The following COL26A1 variants were observed in gnomAD, a reference collection of about 807,000 sequenced individuals.
COL26A1 encodes collagen type XXVI alpha 1 chain.
COL26A1 carries 41 observed loss-of-function variants against 59.3 expected under a neutral mutation model. The ratio of observed to expected loss-of-function variants is 0.69; its 90% CI spans 0.54 to 0.90. The LOEUF is 0.90. Among genes scored for constraint, COL26A1 ranks in the 40% least tolerant of loss-of-function variants. The pLI is 0.00. For missense variants in COL26A1, 612 were observed against 602.3 expected (o/e 1.02, Z -0.17); for synonymous variants, 266 against 256.0 (o/e 1.04, Z -0.37).
chr7:101,458,317 A>T (rs934881414), intron 3 of COL26A1, among the ~76,000 whole-genome samples: 8 of 152,110 alleles, frequency 5.3e-5, no homozygotes, highest in African/African-American at 1.4e-4. Context: ...TATCATGTCA[A>T]TGTGTCTGTA....
chr7:101,509,885 G>A (rs1040680688), intron 3 of COL26A1, among the ~76,000 whole-genome samples: 6 of 151,898 alleles, frequency 4.0e-5, no homozygotes, highest in South Asian at 2.1e-4. Flanking sequence ...GCACCACCAC[G>A]CACGGCTAAT....
intron 3 of COL26A1, among the ~76,000 whole-genome samples, chr7:101,462,010 T>C (rs1793625719): frequency 6.6e-6 from 1 of 150,842 alleles, no homozygotes; most frequent in African/African-American, 2.4e-5. Context: ...TTTTTTTTTT[T>C]TTTTTTTGAG....
chr7:101,488,368 A>G (rs1264859865), intron 3 of COL26A1, among the ~76,000 whole-genome samples: 1 of 116,626 alleles, frequency 8.6e-6, no homozygotes, highest in Non-Finnish European at 1.8e-5. Flanking sequence ...ATATATATAT[A>G]TATATATATA....
intron 11 of COL26A1, among the ~76,000 whole-genome samples, chr7:101,555,522 C>T (rs550022940): frequency 2.6e-5 from 4 of 151,722 alleles, no homozygotes; most frequent in Admixed American, 6.6e-5. Context: ...CAGTCTGGAT[C>T]GGCCGCTTTG....
At chr7:101,489,707 T>G (rs12056196) in intron 3 of COL26A1, among the ~76,000 whole-genome samples, 1 of 104,468 alleles carries the variant, frequency 9.6e-6, no homozygotes, top group African/African-American at 6.1e-5. Flanking sequence ...CTGTCTTTCT[T>G]TCTTTCATTC....
chr7:101,534,662 C>T (rs543691097), intron 4 of COL26A1, among the ~76,000 whole-genome samples: 1 of 149,338 alleles, frequency 6.7e-6, no homozygotes, highest in Non-Finnish European at 1.5e-5. Flanking sequence ...TATACACACA[C>T]ACACACACAC....
At chr7:101,368,281 A>C (rs192313607) in intron 1 of COL26A1, among the ~76,000 whole-genome samples, 7 of 152,286 alleles carry the variant, frequency 4.6e-5, no homozygotes, top group Admixed American at 3.9e-4. Context: ...GGTGTTGGTG[A>C]TCATTGCGTA....
chr7:101,397,052 G>A (rs1791872211), intron 1 of COL26A1, among the ~76,000 whole-genome samples: 1 of 152,144 alleles, frequency 6.6e-6, no homozygotes, highest in African/African-American at 2.4e-5. Flanking sequence ...ATGGCCAAAG[G>A]TGAGGCTTTG....
chr7:101,433,669 G>A (rs1373588906), intron 2 of COL26A1, among the ~76,000 whole-genome samples: 1 of 152,098 alleles, frequency 6.6e-6, no homozygotes, highest in Non-Finnish European at 1.5e-5. Flanking sequence ...TGGGGCAGGC[G>A]GGGAAAGGAC....
At chr7:101,363,962 G>A (rs915415216) in intron 1 of COL26A1, among the ~76,000 whole-genome samples, 5 of 152,306 alleles carry the variant, frequency 3.3e-5, no homozygotes, top group South Asian at 2.1e-4. Context: ...GGCTGAGGCC[G>A]CGGAGGATCC....
At chr7:101,435,948 G>A (rs887787912) in intron 2 of COL26A1, among the ~76,000 whole-genome samples, 3 of 152,188 alleles carry the variant, frequency 2.0e-5, no homozygotes, top group Non-Finnish European at 4.4e-5. Flanking sequence ...TGTTCAGGAT[G>A]GATGCCCGCA....
intron 1 of COL26A1, among the ~76,000 whole-genome samples, chr7:101,378,611 C>T (rs1490895757): frequency 2.6e-5 from 4 of 151,996 alleles, no homozygotes; most frequent in South Asian, 2.1e-4. Flanking sequence ...ATCCTCCAGA[C>T]TTGGGGGCTG....
intron 3 of COL26A1, among the ~76,000 whole-genome samples, chr7:101,494,765 A>C (rs1261530422): frequency 2.0e-5 from 3 of 152,228 alleles, no homozygotes; most frequent in Non-Finnish European, 4.4e-5. Context: ...CAGCTCTTCC[A>C]GCTGCACTTG....
At chr7:101,394,869 CTTT>C (rs61005447) in intron 1 of COL26A1, among the ~76,000 whole-genome samples, 4 of 97,014 alleles carry the variant, frequency 4.1e-5, no homozygotes, top group Admixed American at 2.3e-4. Context: ...TTTTTCTTTT[CTTT>C]TTTTTTTTTT....
chr7:101,363,349 G>C (rs895577963), intron 1 of COL26A1, among the ~76,000 whole-genome samples, 159 bp downstream of exon 1: 12 of 146,616 alleles, frequency 8.2e-5, no homozygotes, highest in Non-Finnish European at 1.2e-4. Flanking sequence ...TGCAGACACC[G>C]GGCAGCTGGA....
chr7:101,457,962 T>A (rs1219081848), intron 3 of COL26A1, among the ~76,000 whole-genome samples: 1 of 150,280 alleles, frequency 6.7e-6, no homozygotes, highest in African/African-American at 2.4e-5. Flanking sequence ...AATGGCACGA[T>A]CTCGGCTCAT....
intron 3 of COL26A1, among the ~76,000 whole-genome samples, chr7:101,488,408 C>A (rs1216041794): frequency 1.4e-5 from 2 of 140,288 alleles, no homozygotes; most frequent in Non-Finnish European, 3.0e-5. Context: ...CAGAGTCTAA[C>A]TCTGTCACCC....
chr7:101,414,518 A>G (rs965499810), intron 1 of COL26A1, among the ~76,000 whole-genome samples: 5 of 151,088 alleles, frequency 3.3e-5, no homozygotes, highest in South Asian at 2.1e-4. Context: ...GCTCACTGCA[A>G]CCTCTACCTC....
chr7:101,485,440 G>A (rs759211714), intron 3 of COL26A1, among the ~76,000 whole-genome samples: 5 of 152,160 alleles, frequency 3.3e-5, no homozygotes, highest in Non-Finnish European at 7.4e-5. Context: ...TTCGTCATAG[G>A]CTATGATGCT....
Sources: gnomAD v4.1 joint callset for allele counts (sites outside exome capture counted in the v4.1 genomes callset) on GRCh38, gnomAD v4.1.1 for gene constraint, MANE v1.5 for transcripts, NCBI Gene and HGNC (gene_info 2026-07-23, HGNC 2026-07-21) for gene names.